The following IARS1 variants were observed in gnomAD, a reference collection of about 807,000 sequenced individuals.
IARS1 encodes isoleucine--tRNA ligase, cytoplasmic.
IARS1 carries 124 observed loss-of-function variants against 168.2 expected under a neutral mutation model. That is an observed-to-expected ratio of 0.74 (90% CI 0.64 to 0.86). IARS1 has a LOEUF of 0.86. Among genes scored for constraint, IARS1 ranks in the 40% least tolerant of loss-of-function variants. The probability of loss-of-function intolerance (pLI) is 0.00; values close to 1 mark genes in which losing one functional copy is unlikely to be tolerated. For missense variants in IARS1, 1,452 were observed against 1,515.8 expected, an observed-to-expected ratio of 0.96 and a Z score of 0.70; for synonymous variants, 532 against 529.4, an observed-to-expected ratio of 1.00 and a Z score of -0.07.
rs1219302592 is a variant in IARS1, at chr9:92,288,053, A to G, written c.276+73T>C. 5 of 1,534,638 alleles carry G rather than the reference A, an allele frequency of 3.3e-6. No homozygotes were observed. The African/African-American group carries it at 7.0e-5, about 21-fold the overall frequency. On this transcript the variant is annotated intron_variant, in intron 3 of 33. Transcript: ENST00000443024. ...TGACAGTCAACGTTCATCATACTTGAACATATTATATGACAAAATCTAATG... is the reference window on the plus strand; with the variant it reads ...TGACAGTCAACGTTCATCATACTTGGACATATTATATGACAAAATCTAATG...
At chr9:92,247,716 A>G (rs1392260628) in intron 25 of IARS1, among the ~76,000 whole-genome samples, 165 bp from the exon 26 acceptor site, 1 of 152,268 alleles carries the variant, frequency 6.6e-6, no homozygotes, top group African/African-American at 2.4e-5. Context: ...CACATGCAAT[A>G]GAGTATTTGG....
chr9:92,222,912 G>A (rs1839878192), intron 32 of IARS1, among the ~76,000 whole-genome samples: 1 of 152,042 alleles, frequency 6.6e-6, no homozygotes, highest in Admixed American at 6.6e-5. Flanking sequence ...AGCTTGGGGA[G>A]CAGATACTCA....
chr9:92,241,341 T>C (rs1196475819), intron 29 of IARS1, among the ~76,000 whole-genome samples: 1 of 152,146 alleles, frequency 6.6e-6, no homozygotes, highest in Non-Finnish European at 1.5e-5. Context: ...AGGTATATTT[T>C]AAATGATCAA....
At chr9:92,261,201 C>T (rs752714634) in intron 17 of IARS1, among the ~76,000 whole-genome samples, 8 of 151,654 alleles carry the variant, frequency 5.3e-5, no homozygotes, top group Admixed American at 1.3e-4. Context: ...CCCAGCTACT[C>T]GGGAGGCTGA....
intron 9 of IARS1, 32 bp downstream of exon 9, chr9:92,277,829 GGA>G (rs1564185180): frequency 6.3e-7 from 1 of 1,581,158 alleles, no homozygotes; most frequent in Admixed American, 1.7e-5. Flanking sequence ...ATCAGATTGT[GGA>G]GAGCGCCCAC....
At chr9:92,283,954 G>A (rs1835037442) in intron 6 of IARS1, among the ~76,000 whole-genome samples, 1 of 152,182 alleles carries the variant, frequency 6.6e-6, no homozygotes, top group Non-Finnish European at 1.5e-5. Flanking sequence ...GCCAAGGCGG[G>A]TGGACTGCTT....
Position 92,274,513 on chromosome 9 carries a change from C to G in IARS1, c.903G>C (p.Glu301Asp). Residue 301 changes from glutamate (E) to aspartate (D), a missense_variant, in exon 10 of 34, where the codon GAG (glutamate) becomes GAC (aspartate). Transcript: ENST00000443024. Reference sequence around the variant, plus strand: ...CAACAAGCACAGTGAAAGCGCCATTCTCTTTACACTGGAAAGAAAGGACAG... The same window carrying G: ...CAACAAGCACAGTGAAAGCGCCATTGTCTTTACACTGGAAAGAAAGGACAG... ...PLFDYFLKCKENGAFTVLVDN... is the reference protein window; with the variant it reads ...PLFDYFLKCKDNGAFTVLVDN... 6.2e-7 allele frequency: 1 copy of G among 1,612,480 alleles called. No homozygotes were observed. The highest frequency in any genetic ancestry group is 8.5e-7 in the Non-Finnish European group (1 of 1,178,594).
chr9:92,237,668 TTTTC>T (rs1827735879), intron 30 of IARS1, among the ~76,000 whole-genome samples: 1 of 152,204 alleles, frequency 6.6e-6, no homozygotes, highest in Non-Finnish European at 1.5e-5. Context: ...AGGATCACTG[TTTTC>T]TTTGTGTACT....
At chr9:92,272,864 CAAAAA>C (rs869076663) in intron 10 of IARS1, among the ~76,000 whole-genome samples, 13 of 57,016 alleles carry the variant, frequency 2.3e-4, no homozygotes, top group South Asian at 4.7e-4. Flanking sequence ...CAAAACAAAA[CAAAAA>C]AAAAAAAAAA....
intron 14 of IARS1, among the ~76,000 whole-genome samples, chr9:92,266,366 G>C (rs1019219688): frequency 6.6e-6 from 1 of 152,182 alleles, no homozygotes; most frequent in African/African-American, 2.4e-5. Flanking sequence ...TGCATTGTTA[G>C]GGTGATTTCC....
chr9:92,263,174 T>G (rs1217604043), intron 16 of IARS1, 119 bp from the exon 17 acceptor site: 1 of 680,680 alleles, frequency 1.5e-6, no homozygotes, highest in Admixed American at 2.6e-5. Context: ...GAGAATCACT[T>G]AAAGCAATGA....
Position 92,242,580 on chromosome 9 carries a change from G to A in IARS1, c.3001-250C>T. On this transcript the variant is annotated intron_variant, in intron 28 of 33. Transcript: ENST00000443024. ...CTAGAACAATCAGTACCTCATGAAT[G>A]TTGAAACCAAGAAATTACTTAGAAC... is the stretch of plus-strand genomic sequence containing the variant. 3 of 451,630 alleles carry A rather than the reference G, an allele frequency of 6.6e-6. No individual in the cohort carries two copies. In the Admixed American group the frequency reaches 1.2e-4, roughly 18 times the overall value. 28.0% of individuals were successfully genotyped at this position (451,630 alleles called of 1,614,324 possible). A position where few individuals can be genotyped will look rare whatever the true frequency, so the allele number is the denominator to read the frequency against.
chr9:92,271,728 C>G, intron 10 of IARS1, 73 bp from the exon 11 acceptor site: 1 of 1,485,704 alleles, frequency 6.7e-7, no homozygotes. Context: ...AATAGATTCC[C>G]AAGATAATTG....
chr9:92,256,876 A>C, intron 19 of IARS1, 76 bp from the exon 20 acceptor site: 1 of 1,381,018 alleles, frequency 7.2e-7, no homozygotes, highest in Non-Finnish European at 9.8e-7. Flanking sequence ...TTCTTAAATC[A>C]CTTAAACAAA....
intron 7 of IARS1, among the ~76,000 whole-genome samples, chr9:92,279,130 T>C (rs1834161280): frequency 6.6e-6 from 1 of 152,216 alleles, no homozygotes; most frequent in Admixed American, 6.5e-5. Flanking sequence ...ATGTCATATA[T>C]TTAGTTCACT....
Position 92,242,190 on chromosome 9 carries a change from A to AG in IARS1, c.3140dup (p.Pro1048SerfsTer4). The AG allele has an allele frequency of 6.2e-7, 1 of 1,614,086 alleles. No homozygotes were observed. ...CTTGAATAAGGACTTTATCCGATGG[A>AG]GAAACTGGATATGGTTTCAAGGGAG... is the stretch of plus-strand genomic sequence containing the variant. On this transcript the variant is annotated frameshift_variant, in exon 29 of 34. Transcript: ENST00000443024. LOFTEE classifies it high-confidence loss of function.
Position 92,253,449 on chromosome 9 carries a change from A to G in IARS1, c.2142T>C (p.Tyr714=). 1 of 1,610,812 alleles carries G rather than the reference A, an allele frequency of 6.2e-7. No individual in the cohort carries two copies. Among genetic ancestry groups the G allele is most frequent in the African/African-American group, 1.3e-5 (1 of 74,966 alleles). ...GGCGAGGCACCACAGTATAAAGCCT[A>G]TAAGCTAAAAGTAAGACAAGTCAAT... ...IGFFETEMAA[Y]RLYTVVPRLV... The change falls in exon 21 of 34, where the codon TAT becomes TAC. Residue 714 remains tyrosine (Y), a synonymous_variant. Transcript: ENST00000443024.
At chr9:92,238,008 C>T (rs906196981) in intron 30 of IARS1, among the ~76,000 whole-genome samples, 53 of 152,088 alleles carry the variant, frequency 3.5e-4, no homozygotes, top group Admixed American at 3.3e-3. Flanking sequence ...CGGGTTCAAG[C>T]GATTCTCCTG....
In IARS1 at chr9:92,251,846, T is replaced by C; in HGVS notation, c.2269A>G (p.Thr757Ala). ...AGAGAAAGCAGAACACTAAACAAGG[T>C]TTCTAGGGCCATGACACAATCCTCC... ...GMEDCVMALE[T>A]LFSVLLSLCR... The change falls in exon 22 of 34, where the codon ACC becomes GCC. Residue 757 changes from threonine to alanine, a missense_variant. Physicochemically the swap from Thr to Ala is moderately conservative, Grantham distance 58. Coordinates refer to ENST00000443024, the MANE Select transcript of IARS1 (RefSeq NM_002161.6). The C allele has an allele frequency of 1.9e-6, 3 of 1,613,682 alleles. No homozygotes were observed. Among genetic ancestry groups the C allele is most frequent in the South Asian group, 2.2e-5 (2 of 91,054 alleles).
Sources: gnomAD v4.1 joint callset for allele counts (sites outside exome capture counted in the v4.1 genomes callset) on GRCh38, gnomAD v4.1.1 for gene constraint, MANE v1.5 for transcripts, NCBI Gene and HGNC (gene_info 2026-07-23, HGNC 2026-07-21) for gene names.